Variants in PNPLA7 observed in about 807,000 individuals in gnomAD.
The protein encoded by PNPLA7 is patatin like domain 7, lysophospholipase.
PNPLA7 carries 153 observed loss-of-function variants against 161.7 expected under a neutral mutation model. The ratio of observed to expected loss-of-function variants is 0.95; its 90% CI spans 0.83 to 1.08. The LOEUF is 1.08. Among genes scored for constraint, PNPLA7 ranks in the 50% least tolerant of loss-of-function variants. The pLI is 0.00. For missense variants in PNPLA7, 1,739 were observed against 1,856.6 expected, an observed-to-expected ratio of 0.94 and a Z score of 1.16; for synonymous variants, 809 against 782.1, an observed-to-expected ratio of 1.03 and a Z score of -0.57.
chr9:137,524,764 A>AGTTTCCGTGGATGCCCCGTGGAATGG lies in PNPLA7; in HGVS notation c.748-1933_748-1908dup, dbSNP rs1181086425. On this transcript the variant is annotated intron_variant, in intron 8 of 34. Coordinates refer to ENST00000406427, the MANE Select transcript of PNPLA7 (RefSeq NM_001098537.3). This position sits in a 1 kb window ranked among gnomAD's most constrained non-coding sequence, Gnocchi z 4.4. Reference sequence around the variant, plus strand: ...GTTTCCGTGGATGCCCCGTGGAATGAGTTTCCGTGGATGCCCCGTGGAATG... The same window carrying AGTTTCCGTGGATGCCCCGTGGAATGG: ...GTTTCCGTGGATGCCCCGTGGAATGAGTTTCCGTGGATGCCCCGTGGAATGGGTTTCCGTGGATGCCCCGTGGAATG... Among the ~76,000 whole-genome samples, 28 of 151,540 alleles carry AGTTTCCGTGGATGCCCCGTGGAATGG rather than the reference A, an allele frequency of 1.8e-4. No individual in the cohort carries two copies. Among genetic ancestry groups the AGTTTCCGTGGATGCCCCGTGGAATGG allele is most frequent in the African/African-American group, 2.2e-4 (9 of 41,212 alleles).
At chr9:137,549,452 C>T (rs1040569978) in intron 1 of PNPLA7, among the ~76,000 whole-genome samples, 5 of 151,814 alleles carry the variant, frequency 3.3e-5, no homozygotes, top group Admixed American at 2.0e-4. Context: ...CGCCTGTAGT[C>T]CCAGCTACTT....
chr9:137,541,404 C>T lies in PNPLA7; in HGVS notation c.667-682G>A, dbSNP rs1836195534. The T allele has an allele frequency of 3.0e-6, 3 of 985,142 alleles. No individual in the cohort carries two copies. The highest frequency in any genetic ancestry group is 3.6e-6 in the Non-Finnish European group (3 of 829,794). The allele number at this position is 985,142 out of a possible 1,614,324, so 61.0% of individuals were successfully genotyped here. A position where few individuals can be genotyped will look rare whatever the true frequency, so the allele number is the denominator to read the frequency against. On this transcript the variant is annotated intron_variant, in intron 7 of 34. Transcript: ENST00000406427. The surrounding 1 kb of genome is among the most constrained non-coding windows in gnomAD (Gnocchi z 4.4). ...ATAACCCATCAAGTCCAGCCACAGA[C>T]AAAGCGACAAACCTGAGAACCAAAT...
rs143579792 is a variant in PNPLA7, at chr9:137,521,663, G to A, written c.930C>T (p.Leu310=). 1.2e-3 allele frequency: 1,895 copies of A among 1,612,684 alleles called. 19 individuals are homozygous for A. The African/African-American group carries it at 0.023, about 19-fold the overall frequency. ...CGTTGAAGAGCTCTGTGGTCAGGCC[G>A]AGGTAGTTGTGCAGAGCCAGAAAGG... The part of the protein sequence containing the change: ...RVTFLALHNY[L]GLTTELFNAE... Residue 310 remains leucine, a synonymous_variant, in exon 10 of 35, where the codon CTC becomes CTT. Coordinates refer to ENST00000406427, the MANE Select transcript of PNPLA7 (RefSeq NM_001098537.3).
At chr9:137,462,078 G>A (rs1411846526) in intron 31 of PNPLA7, 37 bp from the exon 32 acceptor site, 4 of 1,535,338 alleles carry the variant, frequency 2.6e-6, no homozygotes, top group East Asian at 2.4e-5. Context: ...GGAGGTGTGG[G>A]GAGCCCCCCA....
At chr9:137,496,440 A>G (rs1833063205) in intron 18 of PNPLA7, among the ~76,000 whole-genome samples, 2 of 152,086 alleles carry the variant, frequency 1.3e-5, no homozygotes, top group Admixed American at 1.3e-4. Flanking sequence ...GTCTGGGAGC[A>G]GTGGCTCACG....
intron 12 of PNPLA7, 104 bp from the exon 13 acceptor site, chr9:137,506,187 G>A: frequency 1.1e-6 from 1 of 913,680 alleles, no homozygotes; most frequent in Non-Finnish European, 1.7e-6. Context: ...ACAGACCCCG[G>A]CAGCTCCCTC....
At position 137,467,089 on chromosome 9, in the gene PNPLA7, A is replaced by C. The variant is rs1443041157; in HGVS notation, c.3039+228T>G. Among the ~76,000 whole-genome samples the C allele has an allele frequency of 1.4e-5, 2 of 144,626 alleles. No individual in the cohort carries two copies. The highest frequency in any genetic ancestry group is 2.3e-4 in the South Asian group (1 of 4,370). The allele number at this position is 144,626 out of a possible 152,430, so 94.9% of individuals were successfully genotyped here. On this transcript the variant is annotated intron_variant, in intron 26 of 34. Coordinates refer to ENST00000406427, the MANE Select transcript of PNPLA7 (RefSeq NM_001098537.3). This position sits in a 1 kb window ranked among gnomAD's most constrained non-coding sequence, Gnocchi z 5.1. ...CCACCTCCCACCACCGTCTCCACCA[A>C]CTCAGACCTGGGCACAGATCAGACC...
Position 137,505,748 on chromosome 9 carries a change from C to T in PNPLA7, c.1339G>A (p.Val447Met), listed in dbSNP as rs757638808. 151 of 1,614,000 alleles carry T rather than the reference C, an allele frequency of 9.4e-5. 1 individual carries two copies. In the Admixed American group the frequency reaches 2.2e-3, roughly 24 times the overall value. Reference sequence around the variant, plus strand: ...GTGGAGGGTATCTCTGCAACCATCACGCTTTTCCTGGACTGGAGAAGAACG... The same window carrying T: ...GTGGAGGGTATCTCTGCAACCATCATGCTTTTCCTGGACTGGAGAAGAACG... ...SSVASKSRKS[V>M]MVAEIPSTVS... Residue 447 changes from valine to methionine, a missense_variant, in exon 14 of 35, where the codon GTG becomes ATG. Val to Met is a conservative substitution (Grantham distance 21). Around this residue, in one of 6 missense-constraint regions of PNPLA7, gnomAD observed 481 missense variants for 450.0 expected, o/e 1.07. Coordinates refer to ENST00000406427, the MANE Select transcript of PNPLA7 (RefSeq NM_001098537.3).
At position 137,540,397 on chromosome 9, in the gene PNPLA7, C is replaced by G. The variant is rs958914609; in HGVS notation, c.747+245G>C. ...AACCACATGCATTTATGACCCAGTT[C>G]AACAACAGTCATTTAAGAGACAACC... On this transcript the variant is annotated intron_variant, in intron 8 of 34. Coordinates refer to ENST00000406427, the MANE Select transcript of PNPLA7 (RefSeq NM_001098537.3). This position sits in a 1 kb window ranked among gnomAD's most constrained non-coding sequence, Gnocchi z 5.1. 1.3e-5 allele frequency among the ~76,000 whole-genome samples: 2 copies of G among 152,186 alleles called. No homozygotes were observed. The highest frequency in any genetic ancestry group is 3.8e-4 in the East Asian group (2 of 5,198).
intron 29 of PNPLA7, 26 bp from the exon 30 acceptor site, chr9:137,462,859 C>T: frequency 6.2e-7 from 1 of 1,611,962 alleles, no homozygotes; most frequent in Non-Finnish European, 8.5e-7. Flanking sequence ...CCCTGGTTAC[C>T]CCCTGGACAG....
intron 10 of PNPLA7, among the ~76,000 whole-genome samples, chr9:137,521,243 C>T (rs1834976390): frequency 6.6e-6 from 1 of 152,158 alleles, no homozygotes; most frequent in African/African-American, 2.4e-5. Flanking sequence ...TCCTACAGAA[C>T]ACAGGTGACC....
chr9:137,463,691 GTTCT>G (rs1489597441), intron 28 of PNPLA7, among the ~76,000 whole-genome samples, 160 bp from the exon 29 acceptor site: 1 of 152,148 alleles, frequency 6.6e-6, no homozygotes, highest in Non-Finnish European at 1.5e-5. Context: ...ACAAAATTGA[GTTCT>G]TTCTCTGGGG....
rs1344599162 is a variant in PNPLA7 at position 137,547,732 on chromosome 9, G to A, written c.31-73C>T. The A allele has an allele frequency of 6.5e-6, 9 of 1,378,870 alleles. No homozygotes were observed. The highest frequency in any genetic ancestry group is 5.8e-5 in the South Asian group (5 of 85,996). The allele number at this position is 1,378,870 out of a possible 1,614,324, so 85.4% of individuals were successfully genotyped here. A position where few individuals can be genotyped will look rare whatever the true frequency, so the allele number is the denominator to read the frequency against. Reference sequence around the variant, plus strand: ...CCCGAACTTGTTCAGAGCAGCAGGAGGAGAGCTGGGAGTTAGGGGAGAAGT... The same window carrying A: ...CCCGAACTTGTTCAGAGCAGCAGGAAGAGAGCTGGGAGTTAGGGGAGAAGT... On this transcript the variant is annotated intron_variant, in intron 1 of 34. Coordinates refer to ENST00000406427, the MANE Select transcript of PNPLA7 (RefSeq NM_001098537.3). This position sits in a 1 kb window ranked among gnomAD's most constrained non-coding sequence, Gnocchi z 4.6.
chr9:137,495,178 G>A (rs1379194950), intron 18 of PNPLA7, 32 bp from the exon 19 acceptor site: 1 of 1,520,662 alleles, frequency 6.6e-7, no homozygotes, highest in Non-Finnish European at 9.0e-7. Context: ...TGGGGCCGCG[G>A]GCTTGGGAGG....
At chr9:137,542,609 C>T (rs371621786) in intron 7 of PNPLA7, 33 bp downstream of exon 7, 40 of 1,535,712 alleles carry the variant, frequency 2.6e-5, no homozygotes, top group Middle Eastern at 4.8e-4. Flanking sequence ...AATGCGCAGC[C>T]GCCTGACCCC....
intron 23 of PNPLA7, chr9:137,479,840 A>C: frequency 1.0e-6 from 1 of 985,430 alleles, no homozygotes; most frequent in Non-Finnish European, 1.2e-6. Flanking sequence ...CAGCGTCCCG[A>C]AGGTGCCTGC....
At position 137,459,971 on chromosome 9, in the gene PNPLA7, T is replaced by C; in HGVS notation, c.*422A>G. ...CACGTCCAACAGTGAGATCCACCTT[T>C]ATTGAAACATCACACGGCAGCATCA... On this transcript the variant is annotated 3_prime_UTR_variant, in exon 35 of 35. Coordinates refer to ENST00000406427, the MANE Select transcript of PNPLA7 (RefSeq NM_001098537.3). 5.3e-6 allele frequency: 1 copy of C among 189,616 alleles called. No individual in the cohort carries two copies. Among genetic ancestry groups the C allele is most frequent in the Non-Finnish European group, 1.1e-5 (1 of 87,798 alleles). 11.7% of individuals were successfully genotyped at this position (189,616 alleles called of 1,614,324 possible).
intron 4 of PNPLA7, among the ~76,000 whole-genome samples, chr9:137,544,947 CGA>C: frequency 6.6e-6 from 1 of 152,188 alleles, no homozygotes; most frequent in East Asian, 1.9e-4. Context: ...CGTGCCCGGC[CGA>C]GTTTTTCAAT....
chr9:137,472,604 T>C (rs901466749), intron 25 of PNPLA7, among the ~76,000 whole-genome samples: 6 of 148,058 alleles, frequency 4.1e-5, no homozygotes, highest in East Asian at 2.0e-4. Flanking sequence ...TGAGCCGAGA[T>C]TGCACCGTTG....
Sources: gnomAD v4.1 joint callset for allele counts (sites outside exome capture counted in the v4.1 genomes callset) on GRCh38, gnomAD v4.1.1 for gene constraint, gnomAD v4.1.1 regional missense constraint, Gnocchi (gnomAD v3.1) non-coding constraint, MANE v1.5 for transcripts, NCBI Gene and HGNC (gene_info 2026-07-23, HGNC 2026-07-21) for gene names.